Variants in AFG2A observed in about 807,000 individuals in gnomAD.
AFG2A encodes the protein ATPase family gene 2 protein homolog A.
chr4:123,236,878 G>A, the AFG2A span, among the ~76,000 whole-genome samples: 37 of 152,194 alleles, frequency 2.4e-4, no homozygotes, highest in African/African-American at 8.7e-4. Flanking sequence ...GATGATTCCT[G>A]TGCACATTGA....
At chr4:122,960,572 A>G in the AFG2A span, among the ~76,000 whole-genome samples, 1 of 152,208 alleles carries the variant, frequency 6.6e-6, no homozygotes, top group African/African-American at 2.4e-5. Flanking sequence ...ATCCTTGTTA[A>G]TTACACATCA....
the AFG2A span, among the ~76,000 whole-genome samples, chr4:123,074,375 T>C: frequency 6.6e-6 from 1 of 151,714 alleles, no homozygotes; most frequent in African/African-American, 2.4e-5. Flanking sequence ...GGGGACTCTA[T>C]ACTTTTTTTT....
the AFG2A span, among the ~76,000 whole-genome samples, chr4:123,304,854 G>A: frequency 1.5e-4 from 23 of 152,270 alleles, no homozygotes; most frequent in African/African-American, 5.1e-4. Flanking sequence ...AAGGACGTGA[G>A]GGGTGTCTCC....
At chr4:123,288,692 A>G in the AFG2A span, among the ~76,000 whole-genome samples, 16 of 152,136 alleles carry the variant, frequency 1.1e-4, no homozygotes, top group African/African-American at 3.4e-4. Flanking sequence ...TCTGCTTCCC[A>G]TAGCCTCCCA....
chr4:123,044,430 G>A, the AFG2A span, among the ~76,000 whole-genome samples: 1 of 151,876 alleles, frequency 6.6e-6, no homozygotes, highest in African/African-American at 2.4e-5. Flanking sequence ...ATCTCATTAG[G>A]GCATTGTCTC....
the AFG2A span, among the ~76,000 whole-genome samples, chr4:123,169,764 AG>A: frequency 6.6e-6 from 1 of 152,296 alleles, no homozygotes; most frequent in Admixed American, 6.5e-5. Context: ...TACAGTTGTG[AG>A]CCACCGCGCC....
the AFG2A span, among the ~76,000 whole-genome samples, chr4:123,209,586 A>ATTTTTTTTTTT: frequency 8.6e-6 from 1 of 116,294 alleles, no homozygotes; most frequent in Non-Finnish European, 1.7e-5. Context: ...TGCATCAAGA[A>ATTTTTTTTTTT]TTTTTTTTTT....
the AFG2A span, among the ~76,000 whole-genome samples, chr4:123,204,864 G>A: frequency 6.6e-6 from 1 of 152,192 alleles, no homozygotes; most frequent in African/African-American, 2.4e-5. Context: ...CAAGAGGCAC[G>A]TTTTGAAGTC....
chr4:123,078,179 CTT>C, the AFG2A span, among the ~76,000 whole-genome samples: 1 of 151,922 alleles, frequency 6.6e-6, no homozygotes, highest in Non-Finnish European at 1.5e-5. Flanking sequence ...TGATTTTATG[CTT>C]TTTTTCATCT....
At chr4:123,063,780 T>C in the AFG2A span, among the ~76,000 whole-genome samples, 1 of 152,018 alleles carries the variant, frequency 6.6e-6, no homozygotes, top group Non-Finnish European at 1.5e-5. Flanking sequence ...TTTCAAGAAT[T>C]TAGTTTCTAA....
chr4:123,125,268 T>C, the AFG2A span, among the ~76,000 whole-genome samples: 2 of 152,206 alleles, frequency 1.3e-5, no homozygotes, highest in African/African-American at 4.8e-5. Flanking sequence ...TTCTCAAATA[T>C]TAATTTATCA....
At chr4:123,202,495 G>A in the AFG2A span, among the ~76,000 whole-genome samples, 1 of 151,700 alleles carries the variant, frequency 6.6e-6, no homozygotes, top group Admixed American at 6.6e-5. Context: ...TACACATAAA[G>A]TTGAAAAAAA....
chr4:123,101,603 G>C, the AFG2A span, among the ~76,000 whole-genome samples: 4 of 151,870 alleles, frequency 2.6e-5, no homozygotes, highest in Non-Finnish European at 4.4e-5. Context: ...TCATGAATTT[G>C]TGATATTAGA....
At chr4:122,940,615 G>T in the AFG2A span, among the ~76,000 whole-genome samples, 1 of 152,158 alleles carries the variant, frequency 6.6e-6, no homozygotes, top group Non-Finnish European at 1.5e-5. Flanking sequence ...TTCTTTTGCT[G>T]TGCAGAAGCT....
chr4:123,128,083 G>C, the AFG2A span, among the ~76,000 whole-genome samples: 6 of 152,182 alleles, frequency 3.9e-5, no homozygotes, highest in Non-Finnish European at 7.4e-5. Context: ...TACCAGACAA[G>C]TATAATCTTG....
chr4:123,165,030 C>A, the AFG2A span, among the ~76,000 whole-genome samples: 1 of 152,020 alleles, frequency 6.6e-6, no homozygotes, highest in Non-Finnish European at 1.5e-5. Context: ...ACAGCTGAGA[C>A]TTTTCATTTT....
the AFG2A span, chr4:123,256,993 A>G: frequency 9.0e-6 from 3 of 332,568 alleles, no homozygotes; most frequent in South Asian, 2.4e-4. Flanking sequence ...ATATTTTTTT[A>G]AGTACAAGGT....
the AFG2A span, among the ~76,000 whole-genome samples, chr4:123,271,910 T>G: frequency 6.6e-6 from 1 of 152,168 alleles, no homozygotes; most frequent in Admixed American, 6.5e-5. Flanking sequence ...ATAATTCACA[T>G]TTTCTCACTG....
the AFG2A span, among the ~76,000 whole-genome samples, chr4:123,157,708 A>G: frequency 1.3e-5 from 2 of 152,214 alleles, no homozygotes; most frequent in Non-Finnish European, 2.9e-5. Context: ...ACAAATCTCT[A>G]GCCACATTCA....
Sources: gnomAD v4.1 joint callset for allele counts (sites outside exome capture counted in the v4.1 genomes callset) on GRCh38, gnomAD v4.1.1 for gene constraint, MANE v1.5 for transcripts, NCBI Gene and HGNC (gene_info 2026-07-23, HGNC 2026-07-21) for gene names.